GASK1A: variants seen among roughly 807,000 people sequenced by gnomAD.
The protein encoded by GASK1A is Golgi-associated kinase 1A.
In GASK1A, 40 loss-of-function variants were observed where a neutral mutation model predicts 41.2. The ratio of observed to expected loss-of-function variants is 0.97; its 90% CI spans 0.75 to 1.27. The LOEUF (loss-of-function observed/expected upper bound fraction) is 1.27. Ranked by LOEUF, GASK1A falls within the 50% of genes most tolerant of loss-of-function variation. The pLI, the probability that GASK1A is intolerant of heterozygous loss-of-function variation, is 0.00. For synonymous variants in GASK1A, 316 were observed against 307.1 expected, an observed-to-expected ratio of 1.03 and a Z score of -0.30; for missense variants, 678 against 745.1, an observed-to-expected ratio of 0.91 and a Z score of 1.05.
chr3:42,981,809 A>AT (rs2089284082), intron 1 of GASK1A, among the ~76,000 whole-genome samples: 1 of 152,204 alleles, frequency 6.6e-6, no homozygotes, highest in African/African-American at 2.4e-5. Flanking sequence ...GATAGATGCT[A>AT]TATCATTTCC....
intron 1 of GASK1A, among the ~76,000 whole-genome samples, chr3:42,993,210 T>C (rs2089350946): frequency 6.6e-6 from 1 of 152,204 alleles, no homozygotes; most frequent in Admixed American, 6.5e-5. Flanking sequence ...ACATCTTTAT[T>C]TTCACTCATC....
chr3:43,056,488 G>T lies in GASK1A; in HGVS notation c.*102G>T. The T allele has an allele frequency of 2.9e-6, 3 of 1,031,064 alleles. No homozygotes were observed. The South Asian group carries it at 5.6e-5, about 19-fold the overall frequency. The allele number at this position is 1,031,064 out of a possible 1,614,324, so 63.9% of individuals were successfully genotyped here. On this transcript the variant is annotated 3_prime_UTR_variant, in exon 5 of 5. Coordinates refer to ENST00000430121, the MANE Select transcript of GASK1A (RefSeq NM_001129908.3). ...ATGGGAAAAGCCAGAAGCCAGAGGG[G>T]CACAAGGATGTCACGGGATATTTCA... is the stretch of plus-strand genomic sequence containing the variant.
intron 1 of GASK1A, among the ~76,000 whole-genome samples, chr3:42,996,943 A>G (rs2089377953): frequency 1.3e-5 from 2 of 152,216 alleles, no homozygotes; most frequent in South Asian, 4.1e-4. Flanking sequence ...TTCTGATGAC[A>G]AGTAGGTCAC....
chr3:42,985,238 T>C (rs563736987), intron 1 of GASK1A, among the ~76,000 whole-genome samples: 3 of 152,304 alleles, frequency 2.0e-5, no homozygotes, highest in Admixed American at 6.5e-5. Context: ...CACTCTGATT[T>C]CTAGGCCTTC....
intron 1 of GASK1A, among the ~76,000 whole-genome samples, chr3:42,986,949 G>A (rs527803441): frequency 2.6e-4 from 40 of 152,346 alleles, no homozygotes; most frequent in Non-Finnish European, 4.0e-4. Context: ...GCATCCGGAT[G>A]TATGGGTCTC....
chr3:43,044,215 A>G (rs2089651365), intron 2 of GASK1A, among the ~76,000 whole-genome samples: 1 of 152,196 alleles, frequency 6.6e-6, no homozygotes, highest in African/African-American at 2.4e-5. Flanking sequence ...GGCTTGCTAG[A>G]GCTGCCCTGA....
At chr3:43,055,959 A>G in intron 4 of GASK1A, 10 of 555,684 alleles carry the variant, frequency 1.8e-5, no homozygotes, top group Non-Finnish European at 1.3e-5. Flanking sequence ...GATGGGACCC[A>G]TCTGAAAGGT....
chr3:43,000,970 G>A (rs1351340754), intron 1 of GASK1A, among the ~76,000 whole-genome samples: 2 of 152,104 alleles, frequency 1.3e-5, no homozygotes, highest in Non-Finnish European at 2.9e-5. Flanking sequence ...AGACCCTATG[G>A]CACCATCATG....
intron 1 of GASK1A, among the ~76,000 whole-genome samples, chr3:42,991,902 T>C (rs2089342821): frequency 1.3e-5 from 2 of 151,976 alleles, no homozygotes; most frequent in Admixed American, 1.3e-4. Context: ...ATAGCACGGG[T>C]GCTCATTCCC....
At position 43,020,911 on chromosome 3, in the gene GASK1A, G is replaced by C. The variant is rs191001779; in HGVS notation, c.4-11356G>C. Among the ~76,000 whole-genome samples the C allele has an allele frequency of 3.0e-3, 451 of 152,358 alleles. 2 individuals carry two copies. Among genetic ancestry groups the C allele is most frequent in the Middle Eastern group, 0.01 (3 of 294 alleles). ...AGCAAGTCACATGGCCAAAGCCACA[G>C]AGTAGGCAGGGAAGTAGACTGCATC... On this transcript the variant is annotated intron_variant, in intron 1 of 4. Transcript: ENST00000430121.
intron 2 of GASK1A, among the ~76,000 whole-genome samples, chr3:43,047,955 C>T (rs186094909): frequency 1.3e-5 from 2 of 152,294 alleles, no homozygotes; most frequent in East Asian, 1.9e-4. Context: ...TAGTAGCTTA[C>T]TGGTCTGGCG....
At chr3:43,041,435 T>C (rs547518680) in intron 2 of GASK1A, among the ~76,000 whole-genome samples, 2 of 152,370 alleles carry the variant, frequency 1.3e-5, no homozygotes, top group South Asian at 4.1e-4. Flanking sequence ...TGTGAGATGA[T>C]ATCTCATTGT....
rs938569895 is a variant in GASK1A at position 43,057,146 on chromosome 3, C to G, written c.*760C>G. Reference sequence around the variant, plus strand: ...TCTGTATCAGCCATCTGAATTGACCCAATCTTTATTGGTGACTGCATGAAA... The same window carrying G: ...TCTGTATCAGCCATCTGAATTGACCGAATCTTTATTGGTGACTGCATGAAA... On this transcript the variant is annotated 3_prime_UTR_variant, in exon 5 of 5. Coordinates refer to ENST00000430121, the MANE Select transcript of GASK1A (RefSeq NM_001129908.3). The G allele has an allele frequency of 6.6e-6, 1 of 152,164 alleles. No individual in the cohort carries two copies. The highest frequency in any genetic ancestry group is 6.5e-5 in the Admixed American group (1 of 15,284). The allele number at this position is 152,164 out of a possible 1,614,324, so 9.4% of individuals were successfully genotyped here. A position where few individuals can be genotyped will look rare whatever the true frequency, so the allele number is the denominator to read the frequency against.
At chr3:43,033,615 G>A in intron 2 of GASK1A, 62 bp downstream of exon 2, 1 of 1,402,244 alleles carries the variant, frequency 7.1e-7, no homozygotes, top group Middle Eastern at 2.6e-4. Flanking sequence ...GGGTGGAGAG[G>A]CCTGAATTGC....
intron 1 of GASK1A, among the ~76,000 whole-genome samples, chr3:42,992,009 C>T (rs2089343945): frequency 6.6e-6 from 1 of 151,130 alleles, no homozygotes; most frequent in Non-Finnish European, 1.5e-5. Context: ...ACCCCTCTGC[C>T]CAAGATCCTG....
chr3:43,024,631 G>A (rs1303169911), intron 1 of GASK1A, among the ~76,000 whole-genome samples: 1 of 152,156 alleles, frequency 6.6e-6, no homozygotes, highest in Non-Finnish European at 1.5e-5. Flanking sequence ...GAGATTGGAG[G>A]AGCCCTCTTC....
At position 43,033,035 on chromosome 3, in the gene GASK1A, C is replaced by G; in HGVS notation, c.772C>G (p.Pro258Ala). ...LSSSRTGGQAPPWLTDHDVQM... is the reference protein window; with the variant it reads ...LSSSRTGGQAAPWLTDHDVQM... ...CAGCTCGAGGACTGGTGGGCAGGCTCCCCCATGGCTGACAGACCACGATGT... is the reference window on the plus strand; with the variant it reads ...CAGCTCGAGGACTGGTGGGCAGGCTGCCCCATGGCTGACAGACCACGATGT... The change falls in exon 2 of 5, where the codon CCC (proline) becomes GCC (alanine). Residue 258 changes from proline to alanine, a missense_variant. By Grantham distance (27) the Pro-to-Ala change is conservative. Coordinates refer to ENST00000430121, the MANE Select transcript of GASK1A (RefSeq NM_001129908.3). 1 of 1,551,678 alleles carries G rather than the reference C, an allele frequency of 6.4e-7. No homozygotes were observed. The highest frequency in any genetic ancestry group is 2.4e-5 in the East Asian group (1 of 40,908).
rs2089590304 is a variant in GASK1A at position 43,033,471 on chromosome 3, G to A, written c.1208G>A (p.Cys403Tyr). The A allele has an allele frequency of 1.3e-6, 2 of 1,550,882 alleles. No individual in the cohort carries two copies. The highest frequency in any genetic ancestry group is 2.7e-5 in the African/African-American group (2 of 73,194). Residue 403 changes from cysteine to tyrosine, a missense_variant, in exon 2 of 5, where the codon TGC (cysteine) becomes TAC (tyrosine). By Grantham distance (194) the Cys-to-Tyr change is radical. Coordinates refer to ENST00000430121, the MANE Select transcript of GASK1A (RefSeq NM_001129908.3). ...LQYQALLAHS[C>Y]NWPGQAPCPG... ...TATCAGGCCCTGCTGGCACACAGCT[G>A]CAACTGGCCAGGCCAGGCCCCGTGC...
chr3:43,005,615 C>A lies in GASK1A; in HGVS notation c.3+25970C>A, dbSNP rs144326025. On this transcript the variant is annotated intron_variant, in intron 1 of 4. Transcript: ENST00000430121. ...TGGCCCAAAGTGCAAGAGTAGTGAT[C>A]CTGCAATTGGAGTGTGACAAAGAGA... is the stretch of plus-strand genomic sequence containing the variant. 2.2e-3 allele frequency among the ~76,000 whole-genome samples: 337 copies of A among 152,220 alleles called. 4 individuals carry two copies. The highest frequency in any genetic ancestry group is 7.7e-3 in the African/African-American group (318 of 41,510).
Sources: allele counts gnomAD v4.1 joint callset (sites outside exome capture counted in the v4.1 genomes callset), GRCh38; gene constraint gnomAD v4.1.1; transcripts MANE v1.5; gene names NCBI Gene and HGNC (gene_info 2026-07-23, HGNC 2026-07-21).